The following EVC variants were observed in gnomAD, a reference collection of about 807,000 sequenced individuals.
EVC encodes the protein EvC ciliary complex subunit 1.
EVC carries 116 observed loss-of-function variants against 118.9 expected under a neutral mutation model. That is an observed-to-expected ratio of 0.98 (90% confidence interval 0.84 to 1.14). The LOEUF (loss-of-function observed/expected upper bound fraction) is 1.14. Among genes scored for constraint, EVC ranks in the 50% most tolerant of loss-of-function variants. The pLI is 0.00. For missense variants in EVC, 1,401 were observed against 1,246.4 expected (o/e 1.12, Z -1.87); for synonymous variants, 619 against 534.7 (o/e 1.16, Z -2.18).
rs768962971 is a variant in EVC at position 5,756,220 on chromosome 4, A to C, written c.1465-44A>C. ...GAACCTTCTGGAAAAAAAAAAAAAA[A>C]CCCTGCATGTTTCTACCAGACTCAG... On this transcript the variant is annotated intron_variant, in intron 10 of 20. Coordinates refer to ENST00000264956, the MANE Select transcript of EVC (RefSeq NM_153717.3). This position sits in a 1 kb window ranked among gnomAD's most constrained non-coding sequence, Gnocchi z 4.2. 7.3e-5 allele frequency: 105 copies of C among 1,443,068 alleles called. No individual in the cohort carries two copies. Among genetic ancestry groups the C allele is most frequent in the Middle Eastern group, 6.9e-4 (4 of 5,768 alleles). 89.4% of individuals were successfully genotyped at this position (1,443,068 alleles called of 1,614,324 possible).
Position 5,719,234 on chromosome 4 carries a change from C to T in EVC, c.175-14C>T. The T allele has an allele frequency of 6.2e-7, 1 of 1,614,120 alleles. No individual in the cohort carries two copies. On this transcript the variant is annotated splice_polypyrimidine_tract_variant and intron_variant, in intron 1 of 20. Transcript: ENST00000264956. The surrounding 1 kb of genome is among the most constrained non-coding windows in gnomAD (Gnocchi z 4.7). ...GTTTCTATCCACCCCCAACTCCTGA[C>T]CTTCGGGTTTTAGAAAGACGACACT...
At chr4:5,808,706 A>C (rs1171225357) in intron 18 of EVC, among the ~76,000 whole-genome samples, 2 of 152,216 alleles carry the variant, frequency 1.3e-5, no homozygotes, top group Admixed American at 6.5e-5. Context: ...GCGATAGCTA[A>C]AGTTTACACT....
At chr4:5,713,637 A>G (rs1384026236) in intron 1 of EVC, among the ~76,000 whole-genome samples, 1 of 135,514 alleles carries the variant, frequency 7.4e-6, no homozygotes, top group Non-Finnish European at 1.5e-5. Flanking sequence ...AGATCGCACC[A>G]TTGCACTCCA....
Position 5,783,534 on chromosome 4 carries a change from T to C in EVC, c.1564-18T>C. ...TCCTGCCGTGACCTGTAACCCCATC[T>C]GTGGTTCTCCGCTCCAGGAGCTGTA... is the stretch of plus-strand genomic sequence containing the variant. On this transcript the variant is annotated intron_variant, in intron 11 of 20. Transcript: ENST00000264956. 6.2e-7 allele frequency: 1 copy of C among 1,613,838 alleles called. No individual in the cohort carries two copies. Among genetic ancestry groups the C allele is most frequent in the Non-Finnish European group, 8.5e-7 (1 of 1,179,756 alleles).
intron 16 of EVC, among the ~76,000 whole-genome samples, chr4:5,804,319 G>T (rs944312546): frequency 1.1e-4 from 17 of 152,140 alleles, no homozygotes; most frequent in African/African-American, 3.9e-4. Context: ...CCAAGAAATG[G>T]GGCATAACTT....
rs114850661 is a variant in EVC, at chr4:5,813,021, G to C, written c.*1984G>C. 56 of 152,308 alleles carry C rather than the reference G, an allele frequency of 3.7e-4. No individual in the cohort carries two copies. Among genetic ancestry groups the C allele is most frequent in the African/African-American group, 1.3e-3 (56 of 41,568 alleles). The allele number at this position is 152,308 out of a possible 1,614,324, so 9.4% of individuals were successfully genotyped here. On this transcript the variant is annotated 3_prime_UTR_variant, in exon 21 of 21. Coordinates refer to ENST00000264956, the MANE Select transcript of EVC (RefSeq NM_153717.3). ...TTTTCATTTCTTAAAACCTGAAATA[G>C]ACTCTCTTAGAAACAAGTGACTCCT... is the stretch of plus-strand genomic sequence containing the variant.
At chr4:5,729,664 A>G (rs1726472950) in intron 3 of EVC, among the ~76,000 whole-genome samples, 1 of 152,138 alleles carries the variant, frequency 6.6e-6, no homozygotes, top group Admixed American at 6.5e-5. Context: ...TAATACAAAC[A>G]CTGATACCGA....
intron 12 of EVC, among the ~76,000 whole-genome samples, chr4:5,793,270 A>G (rs1289100112): frequency 6.6e-6 from 1 of 152,214 alleles, no homozygotes; most frequent in African/African-American, 2.4e-5. Context: ...GAGGAAAGCC[A>G]GAAAAAAAAT....
chr4:5,745,159 C>T, intron 6 of EVC, 45 bp from the exon 7 acceptor site: 1 of 1,594,210 alleles, frequency 6.3e-7, no homozygotes, highest in Non-Finnish European at 8.6e-7. Context: ...ACACGCTAAA[C>T]TTTTTCTTTG....
At chr4:5,806,169 T>TC (rs1715875369) in intron 17 of EVC, among the ~76,000 whole-genome samples, 1 of 151,820 alleles carries the variant, frequency 6.6e-6, no homozygotes, top group Non-Finnish European at 1.5e-5. Flanking sequence ...AACCTCCGCC[T>TC]CCCGGGTTCA....
chr4:5,753,405 C>T (rs1730694802), intron 9 of EVC, among the ~76,000 whole-genome samples: 1 of 152,200 alleles, frequency 6.6e-6, no homozygotes, highest in South Asian at 2.1e-4. Flanking sequence ...AAAGTGGTCC[C>T]TGTCGCCCAG....
chr4:5,782,475 G>C (rs1209094382), intron 11 of EVC, among the ~76,000 whole-genome samples: 3 of 104,340 alleles, frequency 2.9e-5, no homozygotes, highest in Non-Finnish European at 5.1e-5. Context: ...CTCACAGCAA[G>C]CTCCACCTCC....
chr4:5,780,664 G>A (rs193086796), intron 11 of EVC, among the ~76,000 whole-genome samples: 111 of 152,298 alleles, frequency 7.3e-4, no homozygotes, highest in Non-Finnish European at 1.3e-3. Context: ...TCCATGAGAA[G>A]GACAATCATA....
intron 2 of EVC, among the ~76,000 whole-genome samples, chr4:5,724,676 C>T (rs1577339916): frequency 6.6e-6 from 1 of 150,406 alleles, no homozygotes; most frequent in Admixed American, 6.7e-5. Flanking sequence ...GGGGAGGTAG[C>T]GTACGTTGGT....
At position 5,783,312 on chromosome 4, in the gene EVC, G is replaced by T. The variant is rs115336887; in HGVS notation, c.1564-240G>T. ...TATGAGTACATGTGCATGTGTCTGT[G>T]TGTACAAGTGTGTGTGCATGTGGGG... On this transcript the variant is annotated intron_variant, in intron 11 of 20. Transcript: ENST00000264956. 0.012 allele frequency among the ~76,000 whole-genome samples: 1,787 copies of T among 148,670 alleles called. 15 individuals are homozygous for T. Among genetic ancestry groups the T allele is most frequent in the Middle Eastern group, 0.024 (7 of 292 alleles).
At chr4:5,793,484 C>T (rs998207552) in intron 12 of EVC, 124 bp from the exon 13 acceptor site, 9 of 815,458 alleles carry the variant, frequency 1.1e-5, no homozygotes, top group South Asian at 5.9e-5. Flanking sequence ...TTAATGAAAT[C>T]GGGGCAGAAA....
At chr4:5,828,706 C>T in the EVC span, 4 of 1,604,216 alleles carry the variant, frequency 2.5e-6, no homozygotes, top group South Asian at 4.4e-5. Context: ...CCAGGATTTG[C>T]TCTGCCCCAA....
At chr4:5,786,202 T>G (rs1711560323) in intron 12 of EVC, among the ~76,000 whole-genome samples, 1 of 152,232 alleles carries the variant, frequency 6.6e-6, no homozygotes, top group Middle Eastern at 3.2e-3. Flanking sequence ...AATGATTCCA[T>G]TCAGATAATG....
chr4:5,804,602 C>A, intron 16 of EVC, 128 bp from the exon 17 acceptor site: 1 of 769,532 alleles, frequency 1.3e-6, no homozygotes, highest in African/African-American at 1.7e-5. Flanking sequence ...TGTCCCTGTG[C>A]TGGTGGAAGG....
Sources: allele counts gnomAD v4.1 joint callset (sites outside exome capture counted in the v4.1 genomes callset), GRCh38; gene constraint gnomAD v4.1.1; non-coding constraint Gnocchi (gnomAD v3.1); transcripts MANE v1.5; gene names NCBI Gene and HGNC (gene_info 2026-07-23, HGNC 2026-07-21).